TENM4: variants seen among roughly 807,000 people sequenced by gnomAD.
TENM4 encodes the protein teneurin transmembrane protein 4.
TENM4 carries 82 observed loss-of-function variants against 243.3 expected under a neutral mutation model. That is an observed-to-expected ratio of 0.34 (90% CI 0.28 to 0.40). TENM4 has a LOEUF of 0.40. TENM4 is among the 10% of genes least tolerant of loss of function. TENM4 has a pLI of 1.00. For synonymous variants in TENM4, 1,412 were observed against 1,456.3 expected (o/e 0.97, Z 0.69); for missense variants, 3,138 against 3,673.3 (o/e 0.85, Z 3.77).
rs571859200 is a variant in TENM4, at chr11:79,151,471, A to AT, written c.-162-2666dup. Among the ~76,000 whole-genome samples, 29 of 152,270 alleles carry AT rather than the reference A, an allele frequency of 1.9e-4. No homozygotes were observed. In the South Asian group the frequency reaches 5.8e-3, roughly 30 times the overall value. ...GACTCTTTGAAAAAATAATCATACT[A>AT]TGGTCAAAATTGAAGAAAACTTGCT... On this transcript the variant is annotated intron_variant, in intron 3 of 33. Coordinates refer to ENST00000278550, the MANE Select transcript of TENM4 (RefSeq NM_001098816.3).
chr11:78,880,980 G>C (rs951500737), intron 9 of TENM4, among the ~76,000 whole-genome samples: 3 of 152,214 alleles, frequency 2.0e-5, no homozygotes, highest in African/African-American at 7.2e-5. Context: ...TTTGACTGTG[G>C]TGGTGGTCAC....
intron 1 of TENM4, among the ~76,000 whole-genome samples, chr11:79,376,565 T>C (rs1373885043): frequency 6.6e-6 from 1 of 152,244 alleles, no homozygotes; most frequent in Admixed American, 6.5e-5. Context: ...TAATAGTCCC[T>C]TGACCTATCT....
chr11:78,871,358 A>C (rs549781138), intron 9 of TENM4, among the ~76,000 whole-genome samples: 1 of 152,140 alleles, frequency 6.6e-6, no homozygotes, highest in East Asian at 1.9e-4. Context: ...CTTTGTTGGC[A>C]TCATCTTCAT....
At chr11:78,859,246 C>A (rs1858756567) in intron 10 of TENM4, among the ~76,000 whole-genome samples, 1 of 152,046 alleles carries the variant, frequency 6.6e-6, no homozygotes, top group South Asian at 2.1e-4. Context: ...CAAACAGGTC[C>A]AAAAGTTAAA....
chr11:79,170,994 T>G (rs1206178674), intron 3 of TENM4, among the ~76,000 whole-genome samples: 1 of 152,084 alleles, frequency 6.6e-6, no homozygotes, highest in East Asian at 1.9e-4. Context: ...TAAATTTGAC[T>G]TGAGAAAGAG....
At position 79,252,997 on chromosome 11, in the gene TENM4, T is replaced by A. The variant is rs868336721; in HGVS notation, c.-264-37088A>T. 2.0e-5 allele frequency among the ~76,000 whole-genome samples: 3 copies of A among 152,338 alleles called. No homozygotes were observed. The South Asian group carries it at 6.2e-4, about 32-fold the overall frequency. Reference sequence around the variant, plus strand: ...AATACATATATTATATCAACAGATTTTAGAATTCTGAGATAGACATTGTTA... The same window carrying A: ...AATACATATATTATATCAACAGATTATAGAATTCTGAGATAGACATTGTTA... On this transcript the variant is annotated intron_variant, in intron 2 of 33. Coordinates refer to ENST00000278550, the MANE Select transcript of TENM4 (RefSeq NM_001098816.3).
chr11:79,395,197 C>T (rs1173179687), intron 1 of TENM4, among the ~76,000 whole-genome samples: 1 of 152,202 alleles, frequency 6.6e-6, no homozygotes, highest in Non-Finnish European at 1.5e-5. Flanking sequence ...TCCCTGAATT[C>T]CTACATCTCC....
At chr11:78,936,799 C>A (rs987505918) in intron 6 of TENM4, among the ~76,000 whole-genome samples, 1 of 152,030 alleles carries the variant, frequency 6.6e-6, no homozygotes, top group African/African-American at 2.4e-5. Flanking sequence ...TTGCTAACGA[C>A]AAGGTAGTGT....
chr11:78,994,414 G>T (rs891546758), intron 6 of TENM4, among the ~76,000 whole-genome samples: 1 of 152,138 alleles, frequency 6.6e-6, no homozygotes, highest in Non-Finnish European at 1.5e-5. Flanking sequence ...TTCCAGATTT[G>T]TCAATGGCCC....
intron 3 of TENM4, among the ~76,000 whole-genome samples, chr11:79,160,491 G>T (rs1862720663): frequency 6.6e-6 from 1 of 152,044 alleles, no homozygotes; most frequent in Non-Finnish European, 1.5e-5. Flanking sequence ...AACCTGGGGT[G>T]CAGGGCTGAG....
intron 1 of TENM4, among the ~76,000 whole-genome samples, chr11:79,431,854 C>T (rs1007482633): frequency 6.6e-6 from 1 of 152,126 alleles, no homozygotes; most frequent in East Asian, 1.9e-4. Context: ...CAGTAGTTGC[C>T]ATGTGTCAGC....
At chr11:79,412,685 C>G (rs932653454) in intron 1 of TENM4, among the ~76,000 whole-genome samples, 1 of 152,172 alleles carries the variant, frequency 6.6e-6, no homozygotes, top group African/African-American at 2.4e-5. Context: ...AAATATGTAT[C>G]AAATAAATAC....
intron 29 of TENM4, among the ~76,000 whole-genome samples, chr11:78,687,407 C>G (rs1345918467): frequency 6.6e-6 from 1 of 152,216 alleles, no homozygotes; most frequent in African/African-American, 2.4e-5. Flanking sequence ...AGGAAAGAAT[C>G]AGGCAGAGCT....
intron 6 of TENM4, among the ~76,000 whole-genome samples, chr11:78,914,102 G>C (rs531804): frequency 2.0e-5 from 3 of 152,162 alleles, no homozygotes; most frequent in African/African-American, 7.2e-5. Flanking sequence ...TGTATTCAAC[G>C]GTCCTAGATG....
chr11:79,383,467 C>T (rs1447026434), intron 1 of TENM4, among the ~76,000 whole-genome samples: 2 of 152,194 alleles, frequency 1.3e-5, no homozygotes, highest in African/African-American at 2.4e-5. Flanking sequence ...GGGATGAATT[C>T]TATTTTCTGA....
chr11:79,350,511 C>T (rs1389347015), intron 1 of TENM4, among the ~76,000 whole-genome samples: 1 of 151,480 alleles, frequency 6.6e-6, no homozygotes, highest in Non-Finnish European at 1.5e-5. Context: ...CTCACTGCAG[C>T]CTCGAACATC....
At chr11:79,021,296 C>G (rs1467472144) in intron 6 of TENM4, among the ~76,000 whole-genome samples, 1 of 152,152 alleles carries the variant, frequency 6.6e-6, no homozygotes, top group East Asian at 1.9e-4. Context: ...GATGAATGGC[C>G]ATGTCTTTTT....
At chr11:79,201,354 G>A (rs1863732924) in intron 3 of TENM4, among the ~76,000 whole-genome samples, 1 of 152,112 alleles carries the variant, frequency 6.6e-6, no homozygotes, top group Admixed American at 6.5e-5. Context: ...AAGAGCTGTG[G>A]CTAGTCCAGC....
At chr11:78,922,496 T>C (rs932413646) in intron 6 of TENM4, among the ~76,000 whole-genome samples, 3 of 152,170 alleles carry the variant, frequency 2.0e-5, no homozygotes, top group African/African-American at 7.2e-5. Flanking sequence ...ACTCTTATGA[T>C]AAAATGAGGA....
Sources: allele counts gnomAD v4.1 joint callset (sites outside exome capture counted in the v4.1 genomes callset), GRCh38; gene constraint gnomAD v4.1.1; transcripts MANE v1.5; gene names NCBI Gene and HGNC (gene_info 2026-07-23, HGNC 2026-07-21).